PCSK6: variants seen among roughly 807,000 people sequenced by gnomAD.
PCSK6 encodes the protein proprotein convertase subtilisin/kexin type 6.
Under a neutral mutation model 123.3 loss-of-function variants are expected in PCSK6, and 85 were observed. That is an observed-to-expected ratio of 0.69 (90% CI 0.58 to 0.83). The LOEUF is 0.83. Ranked by LOEUF, PCSK6 falls within the 40% of genes least tolerant of loss-of-function variation. PCSK6 has a pLI of 0.00. For synonymous variants in PCSK6, 508 were observed against 516.0 expected, an observed-to-expected ratio of 0.98 and a Z score of 0.21; for missense variants, 1,191 against 1,282.3, an observed-to-expected ratio of 0.93 and a Z score of 1.09.
chr15:101,375,627 C>T (rs1231752920), intron 11 of PCSK6, among the ~76,000 whole-genome samples: 1 of 152,200 alleles, frequency 6.6e-6, no homozygotes, highest in African/African-American at 2.4e-5. Flanking sequence ...ACTTTGGTGT[C>T]ATGTGTAGAT....
intron 6 of PCSK6, among the ~76,000 whole-genome samples, chr15:101,415,368 C>G (rs758878080): frequency 6.6e-6 from 1 of 152,202 alleles, no homozygotes; most frequent in Non-Finnish European, 1.5e-5. Flanking sequence ...CAATCGTAGC[C>G]GACTGTTGCC....
chr15:101,389,628 G>T, intron 8 of PCSK6, 64 bp from the exon 9 acceptor site: 1 of 1,327,786 alleles, frequency 7.5e-7, no homozygotes, highest in Non-Finnish European at 1.1e-6. Flanking sequence ...CTGTGGAGAA[G>T]GCTGGGCTAC....
intron 6 of PCSK6, among the ~76,000 whole-genome samples, chr15:101,404,592 G>C (rs2042713410): frequency 6.6e-6 from 1 of 152,186 alleles, no homozygotes; most frequent in Non-Finnish European, 1.5e-5. Context: ...AGTGGGGTCA[G>C]AGAGTCCTGG....
At chr15:101,482,074 C>T (rs1026243530) in intron 1 of PCSK6, among the ~76,000 whole-genome samples, 6 of 152,256 alleles carry the variant, frequency 3.9e-5, no homozygotes, top group African/African-American at 1.4e-4. Flanking sequence ...TGCTATGCCT[C>T]TTGTCTGTTC....
At chr15:101,392,824 A>C (rs776801486) in intron 8 of PCSK6, among the ~76,000 whole-genome samples, 5 of 152,084 alleles carry the variant, frequency 3.3e-5, no homozygotes, top group African/African-American at 4.8e-5. Context: ...GTATAAAACC[A>C]AGTCTTTCTC....
At chr15:101,325,876 G>C (rs960273930) in intron 16 of PCSK6, among the ~76,000 whole-genome samples, 1 of 152,214 alleles carries the variant, frequency 6.6e-6, no homozygotes, top group African/African-American at 2.4e-5. Context: ...ATCCTCCCTT[G>C]GGGTAAACTC....
chr15:101,477,298 T>C (rs1429673714), intron 1 of PCSK6, among the ~76,000 whole-genome samples: 1 of 151,966 alleles, frequency 6.6e-6, no homozygotes, highest in African/African-American at 2.4e-5. Flanking sequence ...CCTACACAGG[T>C]TGAATATCCC....
chr15:101,330,014 G>A (rs1222105604), intron 15 of PCSK6, among the ~76,000 whole-genome samples: 2 of 152,224 alleles, frequency 1.3e-5, no homozygotes, highest in Non-Finnish European at 2.9e-5. Flanking sequence ...GGACAGCCCA[G>A]GGTCTGCTCT....
intron 6 of PCSK6, among the ~76,000 whole-genome samples, chr15:101,415,368 C>T (rs758878080): frequency 2.0e-5 from 3 of 152,202 alleles, no homozygotes; most frequent in Admixed American, 1.3e-4. Flanking sequence ...CAATCGTAGC[C>T]GACTGTTGCC....
intron 9 of PCSK6, among the ~76,000 whole-genome samples, chr15:101,388,997 G>C (rs1255909193): frequency 6.6e-6 from 1 of 152,176 alleles, no homozygotes; most frequent in African/African-American, 2.4e-5. Context: ...TATATTTGGA[G>C]ATAAGGCCTT....
chr15:101,353,049 T>C (rs931156387), intron 13 of PCSK6, among the ~76,000 whole-genome samples: 3 of 152,184 alleles, frequency 2.0e-5, no homozygotes, highest in African/African-American at 7.2e-5. Context: ...GGTTTCGGGG[T>C]GATTCAAGCA....
chr15:101,425,843 GA>G (rs1218645917), intron 6 of PCSK6, among the ~76,000 whole-genome samples: 1 of 152,130 alleles, frequency 6.6e-6, no homozygotes, highest in Non-Finnish European at 1.5e-5. Flanking sequence ...CCTCATCTGG[GA>G]GGATCTTTAT....
At chr15:101,349,293 G>C (rs186234783) in intron 13 of PCSK6, among the ~76,000 whole-genome samples, 1 of 152,244 alleles carries the variant, frequency 6.6e-6, no homozygotes, top group East Asian at 1.9e-4. Flanking sequence ...TGTTTTTCTC[G>C]GGAAAAGTGT....
chr15:101,486,819 G>A (rs906779773), intron 1 of PCSK6, among the ~76,000 whole-genome samples: 1 of 152,250 alleles, frequency 6.6e-6, no homozygotes, highest in African/African-American at 2.4e-5. Flanking sequence ...ATTCAGGCAA[G>A]TACAGAACAT....
chr15:101,429,768 C>T (rs560151576), intron 5 of PCSK6, among the ~76,000 whole-genome samples: 26 of 152,362 alleles, frequency 1.7e-4, no homozygotes, highest in African/African-American at 5.8e-4. Flanking sequence ...TGCCCGGCAG[C>T]GGTGACACCC....
intron 15 of PCSK6, among the ~76,000 whole-genome samples, chr15:101,327,381 G>A (rs1053273800): frequency 3.9e-5 from 6 of 152,274 alleles, no homozygotes; most frequent in East Asian, 3.9e-4. Flanking sequence ...ACGCTGCAGG[G>A]GTCCTCCCCA....
intron 6 of PCSK6, among the ~76,000 whole-genome samples, chr15:101,406,293 G>A (rs759588051): frequency 6.6e-6 from 1 of 152,148 alleles, no homozygotes; most frequent in Non-Finnish European, 1.5e-5. Context: ...CTGGAGGAAG[G>A]CAGGGAGCGG....
chr15:101,476,664 G>A (rs2057739699), intron 1 of PCSK6, among the ~76,000 whole-genome samples: 1 of 152,102 alleles, frequency 6.6e-6, no homozygotes, highest in Non-Finnish European at 1.5e-5. Context: ...TGTGAACAGT[G>A]GTGACATCTC....
In PCSK6 at chr15:101,362,012, A is replaced by G. The variant is rs143013946; in HGVS notation, c.1858+4184T>C. The stretch of plus-strand genomic sequence containing the variant: ...TGCTCTATCATCCAGGCTGGAGTGC[A>G]GTGGCGCAATCTCAGCTCACTGCAA... On this transcript the variant is annotated intron_variant, in intron 13 of 21. Transcript: ENST00000611716. Among the ~76,000 whole-genome samples the G allele has an allele frequency of 2.0e-3, 260 of 131,364 alleles. 5 individuals carry two copies. Among genetic ancestry groups the G allele is most frequent in the East Asian group, 0.019 (79 of 4,150 alleles). The allele number at this position is 131,364 out of a possible 152,430, so 86.2% of individuals were successfully genotyped here.
Sources: allele counts gnomAD v4.1 joint callset (sites outside exome capture counted in the v4.1 genomes callset), GRCh38; gene constraint gnomAD v4.1.1; transcripts MANE v1.5; gene names NCBI Gene and HGNC (gene_info 2026-07-23, HGNC 2026-07-21).